Variants in MED24 observed in about 807,000 individuals in gnomAD.
MED24 encodes the protein mediator complex subunit 24, also known as mediator of RNA polymerase II transcription subunit 24.
In MED24, 74 loss-of-function variants were observed where a neutral mutation model predicts 118.8. The ratio of observed to expected loss-of-function variants is 0.62; its 90% CI spans 0.52 to 0.76. The LOEUF (loss-of-function observed/expected upper bound fraction) is 0.76, where lower values mean the gene tolerates loss of function less well. MED24 is among the 30% of genes least tolerant of loss of function. The pLI, the probability that MED24 is intolerant of heterozygous loss-of-function variation, is 0.00. For missense variants in MED24, 1,041 were observed against 1,278.9 expected, an observed-to-expected ratio of 0.81 and a Z score of 2.84; for synonymous variants, 521 against 523.9, an observed-to-expected ratio of 0.99 and a Z score of 0.08.
chr17:40,043,433 G>A (rs978802323), intron 3 of MED24, among the ~76,000 whole-genome samples: 2 of 152,144 alleles, frequency 1.3e-5, no homozygotes, highest in African/African-American at 4.8e-5. Flanking sequence ...TTTGCTAGGC[G>A]GAACTTATAT....
chr17:40,031,103 G>T (rs1031062581), intron 12 of MED24, 56 bp downstream of exon 12: 3 of 1,504,102 alleles, frequency 2.0e-6, no homozygotes, highest in East Asian at 4.9e-5. Flanking sequence ...CAGCCCCACC[G>T]TAACAAGAGA....
intron 12 of MED24, among the ~76,000 whole-genome samples, chr17:40,030,248 C>A (rs7502971): frequency 0.31 from 46,406 of 151,504 alleles, 8,368 homozygotes; most frequent in Middle Eastern, 0.48. Flanking sequence ...CCTTGGCTTC[C>A]CAAAGTCCTG....
intron 18 of MED24, 47 bp from the exon 19 acceptor site, chr17:40,026,378 T>A: frequency 6.3e-7 from 1 of 1,593,960 alleles, no homozygotes; most frequent in Non-Finnish European, 8.6e-7. Flanking sequence ...CTCCCTTTCT[T>A]GAGCCAACAT....
At chr17:40,042,628 G>A (rs567732609) in intron 3 of MED24, among the ~76,000 whole-genome samples, 4 of 152,048 alleles carry the variant, frequency 2.6e-5, no homozygotes, top group African/African-American at 9.7e-5. Flanking sequence ...GCACTGAGCC[G>A]AGATCGCACC....
At chr17:40,043,184 G>A (rs946534176) in intron 3 of MED24, among the ~76,000 whole-genome samples, 2 of 152,178 alleles carry the variant, frequency 1.3e-5, no homozygotes, top group African/African-American at 2.4e-5. Flanking sequence ...CTAACCTAAG[G>A]TGATCCACCC....
intron 3 of MED24, among the ~76,000 whole-genome samples, chr17:40,043,890 C>CAAAAAAAAAAAAAAAACAAAACAA (rs35743512): frequency 5.1e-5 from 5 of 97,446 alleles, no homozygotes; most frequent in Non-Finnish European, 1.1e-4. Flanking sequence ...GACTCCATCT[C>CAAAAAAAAAAAAAAAACAAAACAA]AAAAAAAAAA....
Position 40,033,213 on chromosome 17 carries a change from G to C in MED24, c.672-7C>G, listed in dbSNP as rs755165500. The C allele has an allele frequency of 6.2e-7, 1 of 1,613,734 alleles. No individual in the cohort carries two copies. The highest frequency in any genetic ancestry group is 8.5e-7 in the Non-Finnish European group (1 of 1,180,012). On this transcript the variant is annotated splice_polypyrimidine_tract_variant and splice_region_variant and intron_variant, in intron 7 of 25. Coordinates refer to ENST00000394128, the MANE Select transcript of MED24 (RefSeq NM_014815.4). The surrounding 1 kb of genome is among the most constrained non-coding windows in gnomAD (Gnocchi z 5.2). ...AGACAGCATCGTGGGGATGCTGAGG[G>C]GTCACAAACACAGGGGACGGTGTTT...
At chr17:40,027,355 C>T (rs749298305) in intron 16 of MED24, 28 bp downstream of exon 16, 66 of 1,601,546 alleles carry the variant, frequency 4.1e-5, no homozygotes, top group Non-Finnish European at 5.6e-5. Context: ...TCCCTTGAGC[C>T]CCCGTCCCGG....
rs1981662776 is a variant in MED24 at position 40,019,411 on chromosome 17, C to T, written c.*118G>A. 2.4e-6 allele frequency: 2 copies of T among 817,374 alleles called. No individual in the cohort carries two copies. Among genetic ancestry groups the T allele is most frequent in the African/African-American group, 3.4e-5 (2 of 58,592 alleles). 50.6% of individuals were successfully genotyped at this position (817,374 alleles called of 1,614,324 possible). A position where few individuals can be genotyped will look rare whatever the true frequency, so the allele number is the denominator to read the frequency against. On this transcript the variant is annotated 3_prime_UTR_variant, in exon 26 of 26. Transcript: ENST00000394128. ...GCGGGGAACTGGAAGCCGCTAGAGG[C>T]TCTTGCACCATGTGGAGCGGATGTG...
At chr17:40,037,207 A>AG (rs1568168383) in intron 3 of MED24, among the ~76,000 whole-genome samples, 1 of 147,008 alleles carries the variant, frequency 6.8e-6, no homozygotes, top group African/African-American at 2.7e-5. Context: ...GGAGAGAGAG[A>AG]GAAAGAGGGA....
rs1981664350 is a variant in MED24, at chr17:40,019,419, C to A, written c.*110G>T. Reference sequence around the variant, plus strand: ...CTGGAAGCCGCTAGAGGCTCTTGCACCATGTGGAGCGGATGTGAGGCACGA... The same window carrying A: ...CTGGAAGCCGCTAGAGGCTCTTGCAACATGTGGAGCGGATGTGAGGCACGA... On this transcript the variant is annotated 3_prime_UTR_variant, in exon 26 of 26. Coordinates refer to ENST00000394128, the MANE Select transcript of MED24 (RefSeq NM_014815.4). The A allele has an allele frequency of 2.3e-6, 2 of 868,202 alleles. No individual in the cohort carries two copies. Among genetic ancestry groups the A allele is most frequent in the Admixed American group, 2.2e-5 (1 of 46,432 alleles). The allele number at this position is 868,202 out of a possible 1,614,324, so 53.8% of individuals were successfully genotyped here. A position where few individuals can be genotyped will look rare whatever the true frequency, so the allele number is the denominator to read the frequency against.
In MED24 at chr17:40,019,179, C is replaced by CAA; in HGVS notation, c.*349_*350insTT. 1.0e-5 allele frequency: 2 copies of CAA among 192,914 alleles called. No homozygotes were observed. The allele number at this position is 192,914 out of a possible 1,614,324, so 12.0% of individuals were successfully genotyped here. ...ACATATTACAAAATACACACAAACA[C>CAA]ACACACACACACACACACACACACA... On this transcript the variant is annotated 3_prime_UTR_variant, in exon 26 of 26. Coordinates refer to ENST00000394128, the MANE Select transcript of MED24 (RefSeq NM_014815.4).
In MED24 at chr17:40,032,686, G is replaced by A. The variant is rs61756232; in HGVS notation, c.899C>T (p.Thr300Met). The change falls in exon 9 of 26, where the codon ACG (threonine) becomes ATG (methionine). Residue 300 changes from threonine to methionine, a missense_variant. Thr to Met is a moderately conservative substitution (Grantham distance 81). Around this residue, in one of 3 missense-constraint regions of MED24, gnomAD observed 434 missense variants for 514.9 expected, o/e 0.84. Transcript: ENST00000394128. ...GAAAGCTGTCCACTTGAGCTCCTCC[G>A]TACCCTCGGGAGACTCAATGAGCCC... ...FVGLIESPEG[T>M]EELKWTAFTF... The A allele has an allele frequency of 1.4e-3, 2,191 of 1,613,838 alleles. 3 individuals are homozygous for A. Among genetic ancestry groups the A allele is most frequent in the Non-Finnish European group, 1.7e-3 (1,987 of 1,179,902 alleles).
At chr17:40,049,839 T>C (rs66826786) in intron 3 of MED24, among the ~76,000 whole-genome samples, 45,641 of 151,358 alleles carry the variant, frequency 0.3, 8,175 homozygotes, top group Middle Eastern at 0.5. Context: ...TTTTCGACTT[T>C]ATGATGGTGT....
intron 9 of MED24, 141 bp from the exon 10 acceptor site, chr17:40,032,231 C>T (rs1983475419): frequency 1.0e-6 from 1 of 1,003,778 alleles, no homozygotes; most frequent in African/African-American, 1.6e-5. Flanking sequence ...ACACTTAGTG[C>T]TAAATGAGAA....
chr17:40,027,408 T>A lies in MED24; in HGVS notation c.1505A>T (p.His502Leu). 6.2e-7 allele frequency: 1 copy of A among 1,613,742 alleles called. No homozygotes were observed. Among genetic ancestry groups the A allele is most frequent in the East Asian group, 2.2e-5 (1 of 44,840 alleles). Reference sequence around the variant, plus strand: ...CTCTGAACCATAGGTCTGGGCCACATGGCACAGCATGAGGAAGGAGATGTC... The same window carrying A: ...CTCTGAACCATAGGTCTGGGCCACAAGGCACAGCATGAGGAAGGAGATGTC... Reference protein sequence around the residue: ...LFDISFLMLCHVAQTYGSEVI... With the variant: ...LFDISFLMLCLVAQTYGSEVI... Residue 502 changes from histidine (H) to leucine (L), a missense_variant, in exon 16 of 26, where the codon CAT becomes CTT. By Grantham distance (99) the His-to-Leu change is moderately conservative (BLOSUM62 -3). Transcript: ENST00000394128.
chr17:40,026,598 C>A, intron 18 of MED24, 49 bp downstream of exon 18: 1 of 1,515,118 alleles, frequency 6.6e-7, no homozygotes, highest in Non-Finnish European at 9.0e-7. Context: ...TCATCACTGG[C>A]TGGCTCTGTG....
chr17:40,022,158 G>A (rs773702687), intron 22 of MED24, 104 bp from the exon 23 acceptor site: 7 of 998,180 alleles, frequency 7.0e-6, no homozygotes, highest in Non-Finnish European at 1.0e-5. Context: ...AGCATGGCTA[G>A]CAGGGCCTCA....
chr17:40,023,811 C>T (rs1486251539), intron 19 of MED24, among the ~76,000 whole-genome samples: 2 of 152,232 alleles, frequency 1.3e-5, no homozygotes, highest in African/African-American at 4.8e-5. Flanking sequence ...GTAAACTGTT[C>T]CTTCCAGGAG....
Sources: gnomAD v4.1 joint callset for allele counts (sites outside exome capture counted in the v4.1 genomes callset) on GRCh38, gnomAD v4.1.1 for gene constraint, gnomAD v4.1.1 regional missense constraint, Gnocchi (gnomAD v3.1) non-coding constraint, MANE v1.5 for transcripts, NCBI Gene and HGNC (gene_info 2026-07-23, HGNC 2026-07-21) for gene names.